The following KDM2B variants were observed in gnomAD, a reference collection of about 807,000 sequenced individuals.
KDM2B encodes the protein lysine-specific demethylase 2B.
Under a neutral mutation model 150.0 loss-of-function variants are expected in KDM2B, and 26 were observed. That is an observed-to-expected ratio of 0.17 (90% confidence interval 0.13 to 0.24). The LOEUF is 0.24. KDM2B is among the 10% of genes least tolerant of loss of function. The pLI, the probability that KDM2B is intolerant of heterozygous loss-of-function variation, is 1.00. For missense variants in KDM2B, 1,265 were observed against 1,816.9 expected (o/e 0.70, Z 5.52); for synonymous variants, 734 against 729.5 (o/e 1.01, Z -0.10).
At chr12:121,473,733 A>AAAG (rs781796348) in intron 12 of KDM2B, among the ~76,000 whole-genome samples, 52 of 150,050 alleles carry the variant, frequency 3.5e-4, no homozygotes, top group East Asian at 7.9e-4. Flanking sequence ...AAAAAAAAAA[A>AAAG]AGAGAGAGAG....
In KDM2B at chr12:121,521,675, T is replaced by C. The variant is rs974833469; in HGVS notation, c.932-575A>G. Reference sequence around the variant, plus strand: ...TCTCCTTGGTCACACAACGCCTGCATGCCCCCCTCAGCTCTGCCCTCCACT... The same window carrying C: ...TCTCCTTGGTCACACAACGCCTGCACGCCCCCCTCAGCTCTGCCCTCCACT... On this transcript the variant is annotated intron_variant, in intron 8 of 22. Transcript: ENST00000377071. The surrounding 1 kb of genome is among the most constrained non-coding windows in gnomAD (Gnocchi z 4.9). Among the ~76,000 whole-genome samples, 2 of 152,180 alleles carry C rather than the reference T, an allele frequency of 1.3e-5. No homozygotes were observed. Among genetic ancestry groups the C allele is most frequent in the Non-Finnish European group, 2.9e-5 (2 of 68,032 alleles).
chr12:121,485,543 T>C (rs1882659514), intron 12 of KDM2B, among the ~76,000 whole-genome samples: 1 of 151,936 alleles, frequency 6.6e-6, no homozygotes, highest in Non-Finnish European at 1.5e-5. Flanking sequence ...ATAGCCTCCT[T>C]GATGGCCTCG....
intron 10 of KDM2B, 28 bp from the exon 11 acceptor site, chr12:121,510,067 C>A: frequency 2.6e-6 from 4 of 1,511,200 alleles, no homozygotes; most frequent in South Asian, 1.3e-5. Flanking sequence ...CAAGAAAGAC[C>A]GAGATGACAC....
At chr12:121,544,114 CAAAA>C (rs57873693) in intron 6 of KDM2B, among the ~76,000 whole-genome samples, 2 of 42,926 alleles carry the variant, frequency 4.7e-5, no homozygotes, top group Non-Finnish European at 9.7e-5. Context: ...GACCCTGCCT[CAAAA>C]AAAAAAAAAA....
chr12:121,552,871 G>A (rs142112999), intron 4 of KDM2B, among the ~76,000 whole-genome samples: 6 of 152,058 alleles, frequency 3.9e-5, no homozygotes, highest in African/African-American at 1.4e-4. Context: ...CCTTACCCAG[G>A]TGCCTGGAAT....
chr12:121,555,291 A>G (rs1889808429), intron 4 of KDM2B, among the ~76,000 whole-genome samples: 1 of 152,264 alleles, frequency 6.6e-6, no homozygotes, highest in Admixed American at 6.5e-5. Context: ...AATTTACAAA[A>G]TTATACCTTA....
At chr12:121,426,452 C>CT (rs138972284), downstream of KDM2B, among the ~76,000 whole-genome samples, 2,476 of 125,510 alleles carry the variant, frequency 0.02, 63 homozygotes, top group East Asian at 0.14. Flanking sequence ...CCTCCCCCCC[C>CT]TTTTTTTTTT....
At chr12:121,504,246 G>C (rs1464239411) in intron 11 of KDM2B, among the ~76,000 whole-genome samples, 2 of 152,012 alleles carry the variant, frequency 1.3e-5, no homozygotes, top group African/African-American at 2.4e-5. Flanking sequence ...ATTTTTTATA[G>C]ACATAGGATC....
intron 11 of KDM2B, among the ~76,000 whole-genome samples, chr12:121,508,971 C>T (rs1455038608): frequency 6.6e-6 from 1 of 152,222 alleles, no homozygotes; most frequent in Admixed American, 6.5e-5. Context: ...GCACATGTCA[C>T]ACCTGCTGGT....
Position 121,445,357 on chromosome 12 carries a change from A to G in KDM2B, c.2021T>C (p.Val674Ala), listed in dbSNP as rs782167889. 1 of 1,609,734 alleles carries G rather than the reference A, an allele frequency of 6.2e-7. No homozygotes were observed. Among genetic ancestry groups the G allele is most frequent in the Admixed American group, 1.7e-5 (1 of 59,810 alleles). ...VCGEAGKEDT[V>A]EEEEGKFNLM... ...GTTAAACTTGCCTTCCTCCTCTTCC[A>G]CCGTGTCTTCCTTCCCCGCCTCGCC... The change falls in exon 14 of 23, where the codon GTG becomes GCG. Residue 674 changes from valine to alanine, a missense_variant. Physicochemically the swap from Val to Ala is moderately conservative, Grantham distance 64. Around this residue, in one of 11 missense-constraint regions of KDM2B, gnomAD observed 30 missense variants for 32.0 expected, o/e 0.94. Transcript: ENST00000377071.
In KDM2B at chr12:121,444,147, C is replaced by G. The variant is rs79980559; in HGVS notation, c.2316G>C (p.Glu772Asp). 1.1e-4 allele frequency: 184 copies of G among 1,612,652 alleles called. No individual in the cohort carries two copies. In the East Asian group the frequency reaches 3.0e-3, roughly 27 times the overall value. Residue 772 changes from glutamate (E) to aspartate (D), a missense_variant, in exon 16 of 23, where the codon GAG becomes GAC. Physicochemically the swap from Glu to Asp is conservative, Grantham distance 45 (BLOSUM62 2). This residue lies in a region of KDM2B where 418 missense variants were observed against 402.4 expected (regional missense o/e 1.04). Coordinates refer to ENST00000377071, the MANE Select transcript of KDM2B (RefSeq NM_032590.5). ...EPAKRRSECE[E>D]APRRRSDEHS... The stretch of plus-strand genomic sequence containing the variant: ...GCTCATCCGACCTGCGCCGGGGCGC[C>G]TCCTCACACTCACTCCTCCGCTTGG...
At chr12:121,445,195 T>A in intron 14 of KDM2B, 80 bp downstream of exon 14, 1 of 1,520,126 alleles carries the variant, frequency 6.6e-7, no homozygotes, top group Non-Finnish European at 9.0e-7. Flanking sequence ...ACGACCTGCA[T>A]CCCACCATCT....
chr12:121,444,836 G>T (rs1875867304), intron 14 of KDM2B: 1 of 496,810 alleles, frequency 2.0e-6, no homozygotes, highest in South Asian at 2.1e-5. Flanking sequence ...TCACTGGGGG[G>T]GTATGACCCA....
intron 6 of KDM2B, among the ~76,000 whole-genome samples, 171 bp downstream of exon 6, chr12:121,548,706 G>A (rs540622070): frequency 3.3e-5 from 5 of 152,286 alleles, no homozygotes; most frequent in South Asian, 2.1e-4. Context: ...GAAGGACCCC[G>A]TCCCTCCTGT....
intron 12 of KDM2B, among the ~76,000 whole-genome samples, chr12:121,476,815 A>G (rs1419879410): frequency 2.0e-5 from 3 of 152,048 alleles, no homozygotes; most frequent in African/African-American, 7.3e-5. Flanking sequence ...ATTTTCATAG[A>G]TCCATCAAGA....
chr12:121,493,059 CTTTT>C (rs61628112), intron 12 of KDM2B, among the ~76,000 whole-genome samples: 6 of 54,080 alleles, frequency 1.1e-4, no homozygotes, highest in African/African-American at 2.4e-4. Flanking sequence ...TCATGCCTGG[CTTTT>C]TTTTTTTTTT....
At chr12:121,495,885 G>C (rs1483982569) in intron 11 of KDM2B, among the ~76,000 whole-genome samples, 3 of 151,842 alleles carry the variant, frequency 2.0e-5, no homozygotes, top group African/African-American at 7.3e-5. Context: ...GCAGAAAAAT[G>C]GGCTGCGTTG....
chr12:121,440,484 C>A (rs146124177), intron 21 of KDM2B: 5 of 377,012 alleles, frequency 1.3e-5, no homozygotes, highest in African/African-American at 1.0e-4. Context: ...TTGAAACCAA[C>A]GAGGGGCAAG....
In KDM2B at chr12:121,467,340, G is replaced by A; in HGVS notation, c.1735-13996C>T. ...CTCGGGCTCGGGCTCCCGCTGCCGC[G>A]AGGAGGGAGCCGCGCCGCGCGCCTC... On this transcript the variant is annotated intron_variant, in intron 12 of 22. Coordinates refer to ENST00000377071, the MANE Select transcript of KDM2B (RefSeq NM_032590.5). The surrounding 1 kb of genome is among the most constrained non-coding windows in gnomAD (Gnocchi z 5.1). The A allele has an allele frequency of 1.0e-6, 1 of 981,814 alleles. No individual in the cohort carries two copies. The highest frequency in any genetic ancestry group is 1.2e-6 in the Non-Finnish European group (1 of 828,472). The allele number at this position is 981,814 out of a possible 1,614,324, so 60.8% of individuals were successfully genotyped here.
Sources: gnomAD v4.1 joint callset for allele counts (sites outside exome capture counted in the v4.1 genomes callset) on GRCh38, gnomAD v4.1.1 for gene constraint, gnomAD v4.1.1 regional missense constraint, Gnocchi (gnomAD v3.1) non-coding constraint, MANE v1.5 for transcripts, NCBI Gene and HGNC (gene_info 2026-07-23, HGNC 2026-07-21) for gene names.